The following TNKS variants were observed in gnomAD, a reference collection of about 807,000 sequenced individuals.
TNKS encodes the protein tankyrase, also known as poly [ADP-ribose] polymerase tankyrase-1.
In TNKS, 72 loss-of-function variants were observed where a neutral mutation model predicts 135.8. The ratio of observed to expected loss-of-function variants is 0.53; its 90% CI spans 0.44 to 0.64. TNKS has a LOEUF of 0.64. Among genes scored for constraint, TNKS ranks in the 30% least tolerant of loss-of-function variants. The pLI is 0.00. For synonymous variants in TNKS, 849 were observed against 649.3 expected, an observed-to-expected ratio of 1.31 and a Z score of -4.68; for missense variants, 1,769 against 1,674.0, an observed-to-expected ratio of 1.06 and a Z score of -0.99.
chr8:9,579,900 C>G (rs1275564639), intron 1 of TNKS, among the ~76,000 whole-genome samples: 1 of 152,202 alleles, frequency 6.6e-6, no homozygotes, highest in African/African-American at 2.4e-5. Context: ...GTTTCTAGCA[C>G]TGTTGCACAG....
chr8:9,635,676 G>GTAA (rs535615231), intron 3 of TNKS, among the ~76,000 whole-genome samples: 1 of 152,218 alleles, frequency 6.6e-6, no homozygotes, highest in South Asian at 2.1e-4. Context: ...GCTGGCAGAT[G>GTAA]TAATACCTGA....
chr8:9,668,836 A>G (rs1563155735), intron 3 of TNKS, among the ~76,000 whole-genome samples: 1 of 152,208 alleles, frequency 6.6e-6, no homozygotes, highest in African/African-American at 2.4e-5. Flanking sequence ...AATAGGGAAC[A>G]GTGAATAATA....
intron 1 of TNKS, among the ~76,000 whole-genome samples, chr8:9,560,109 G>C (rs988193757): frequency 4.6e-5 from 7 of 152,030 alleles, no homozygotes; most frequent in African/African-American, 1.7e-4. Context: ...TTTATAAATA[G>C]TACCAATTTA....
chr8:9,771,232 A>G (rs1368522609), intron 26 of TNKS, among the ~76,000 whole-genome samples: 1 of 137,906 alleles, frequency 7.3e-6, no homozygotes, highest in African/African-American at 2.7e-5. Flanking sequence ...GGAGGGAGAG[A>G]GCGAGGAAAG....
chr8:9,703,402 A>C (rs1402453305), intron 5 of TNKS, among the ~76,000 whole-genome samples: 1 of 152,210 alleles, frequency 6.6e-6, no homozygotes, highest in Non-Finnish European at 1.5e-5. Flanking sequence ...CAGGTTTTTC[A>C]GATAGCGAGG....
chr8:9,658,832 G>A (rs996807180), intron 3 of TNKS, among the ~76,000 whole-genome samples: 2 of 152,174 alleles, frequency 1.3e-5, no homozygotes, highest in Non-Finnish European at 2.9e-5. Flanking sequence ...GCTGTATTCA[G>A]GAAACCCATC....
At chr8:9,656,678 G>C (rs1215559786) in intron 3 of TNKS, among the ~76,000 whole-genome samples, 31 of 147,700 alleles carry the variant, frequency 2.1e-4, no homozygotes, top group African/African-American at 7.3e-4. Context: ...AGGGGGATTT[G>C]GCAGGGTCAT....
At chr8:9,768,400 A>G (rs919267270) in intron 25 of TNKS, among the ~76,000 whole-genome samples, 6 of 152,242 alleles carry the variant, frequency 3.9e-5, no homozygotes, top group East Asian at 1.9e-4. Context: ...CAACAGTAGT[A>G]TATCAGTGAG....
intron 2 of TNKS, among the ~76,000 whole-genome samples, chr8:9,593,949 C>T (rs1295907945): frequency 1.3e-5 from 2 of 152,030 alleles, no homozygotes; most frequent in African/African-American, 2.4e-5. Flanking sequence ...TGCAATGGCA[C>T]GATCTCAGCT....
At chr8:9,769,477 C>T (rs867510614) in intron 25 of TNKS, among the ~76,000 whole-genome samples, 1 of 152,152 alleles carries the variant, frequency 6.6e-6, no homozygotes, top group South Asian at 2.1e-4. Flanking sequence ...AATGAATAAA[C>T]CCAATCTTAA....
intron 3 of TNKS, among the ~76,000 whole-genome samples, chr8:9,667,175 ATAT>A (rs1802036543): frequency 6.6e-6 from 1 of 152,202 alleles, no homozygotes; most frequent in Admixed American, 6.5e-5. Context: ...ATTCTTCTTA[ATAT>A]TTGTATTATT....
At chr8:9,754,053 C>T (rs1585420497) in intron 20 of TNKS, among the ~76,000 whole-genome samples, 1 of 152,212 alleles carries the variant, frequency 6.6e-6, no homozygotes, top group East Asian at 1.9e-4. Flanking sequence ...CTCTCTATCT[C>T]TTCTAAGGAC....
Position 9,638,812 on chromosome 8 carries a change from G to A in TNKS, c.994+23135G>A, listed in dbSNP as rs1326684613. On this transcript the variant is annotated intron_variant, in intron 3 of 26. Transcript: ENST00000310430. ...GGAGACTGGTATCTTATTTATAATG[G>A]AAAAAAAATAGGATGAGGATGAATA... 2.6e-5 allele frequency among the ~76,000 whole-genome samples: 4 copies of A among 151,732 alleles called. No individual in the cohort carries two copies. The East Asian group carries it at 7.7e-4, about 29-fold the overall frequency.
chr8:9,605,184 T>C (rs1375608590), intron 2 of TNKS, among the ~76,000 whole-genome samples: 10 of 152,178 alleles, frequency 6.6e-5, no homozygotes, highest in Middle Eastern at 3.4e-3. Context: ...CAATTTTTCT[T>C]CTTGTCAGCC....
At chr8:9,758,250 G>C (rs898273602) in intron 20 of TNKS, among the ~76,000 whole-genome samples, 3 of 152,160 alleles carry the variant, frequency 2.0e-5, no homozygotes, top group Non-Finnish European at 2.9e-5. Context: ...ATGATGAATG[G>C]TTGGATGGAA....
intron 1 of TNKS, among the ~76,000 whole-genome samples, chr8:9,575,974 G>A (rs567652871): frequency 7.2e-5 from 11 of 152,222 alleles, no homozygotes; most frequent in South Asian, 4.1e-4. Flanking sequence ...ATTTTCTAAC[G>A]GTTGGGAGGA....
intron 15 of TNKS, among the ~76,000 whole-genome samples, chr8:9,734,132 A>T (rs925457496): frequency 2.0e-5 from 3 of 152,136 alleles, no homozygotes; most frequent in Admixed American, 2.0e-4. Context: ...ATGAATCTTG[A>T]GAAAAACACA....
Position 9,731,944 on chromosome 8 carries a change from C to T in TNKS, c.2147+909C>T, listed in dbSNP as rs551266557. Among the ~76,000 whole-genome samples, 21 of 152,180 alleles carry T rather than the reference C, an allele frequency of 1.4e-4. 1 individual carries two copies. The highest frequency in any genetic ancestry group is 4.6e-4 in the African/African-American group (19 of 41,528). ...CTGGGACTACAGGCGCCCGTCACCA[C>T]GCCCGGCTAATTTTTTGTATTTTTA... is the stretch of plus-strand genomic sequence containing the variant. On this transcript the variant is annotated intron_variant, in intron 14 of 26. Coordinates refer to ENST00000310430, the MANE Select transcript of TNKS (RefSeq NM_003747.3).
chr8:9,628,390 A>T (rs1355147781), intron 3 of TNKS, among the ~76,000 whole-genome samples: 5 of 152,068 alleles, frequency 3.3e-5, no homozygotes, highest in South Asian at 2.1e-4. Flanking sequence ...GTTTTTTAAG[A>T]AACTCTGTCT....
Sources: gnomAD v4.1 joint callset for allele counts (sites outside exome capture counted in the v4.1 genomes callset) on GRCh38, gnomAD v4.1.1 for gene constraint, MANE v1.5 for transcripts, NCBI Gene and HGNC (gene_info 2026-07-23, HGNC 2026-07-21) for gene names.